UNC5D: variants seen among roughly 807,000 people sequenced by gnomAD.
The protein encoded by UNC5D is unc-5 netrin receptor D.
In UNC5D, 39 loss-of-function variants were observed where a neutral mutation model predicts 105.4. That is an observed-to-expected ratio of 0.37 (90% CI 0.29 to 0.48). The LOEUF (loss-of-function observed/expected upper bound fraction) is 0.48, where lower values mean the gene tolerates loss of function less well. UNC5D is among the 20% of genes least tolerant of loss of function. UNC5D has a pLI of 0.98. For synonymous variants in UNC5D, 452 were observed against 450.4 expected (o/e 1.00, Z -0.04); for missense variants, 991 against 1,202.4 (o/e 0.82, Z 2.60).
chr8:35,772,097 C>A (rs1241368313), intron 15 of UNC5D, among the ~76,000 whole-genome samples: 2 of 151,976 alleles, frequency 1.3e-5, no homozygotes, highest in Non-Finnish European at 2.9e-5. Context: ...TTATAATATT[C>A]CAGGAACATA....
At chr8:35,487,593 A>ACACACACACACACACACACACACACCCCC (rs1415748793) in intron 1 of UNC5D, among the ~76,000 whole-genome samples, 26 of 150,584 alleles carry the variant, frequency 1.7e-4, no homozygotes, top group African/African-American at 6.4e-4. Context: ...ACACACACAC[A>ACACACACACACACACACACACACACCCCC]CCCCACAGAC....
At chr8:35,273,168 A>G (rs1375839130) in intron 1 of UNC5D, among the ~76,000 whole-genome samples, 1 of 152,198 alleles carries the variant, frequency 6.6e-6, no homozygotes, top group Non-Finnish European at 1.5e-5. Context: ...TCATTTGGCT[A>G]AATATGGAGT....
intron 1 of UNC5D, among the ~76,000 whole-genome samples, chr8:35,241,772 G>A (rs1450662861): frequency 1.3e-5 from 2 of 151,748 alleles, no homozygotes; most frequent in Non-Finnish European, 2.9e-5. Context: ...AATTAGTAAA[G>A]ATCAAATCAG....
intron 1 of UNC5D, among the ~76,000 whole-genome samples, chr8:35,307,299 T>A (rs1020999884): frequency 6.6e-6 from 1 of 152,138 alleles, no homozygotes; most frequent in Admixed American, 6.6e-5. Flanking sequence ...GTCAATAATG[T>A]CTTTGTAGTG....
chr8:35,638,190 GAACA>G (rs753323357), intron 4 of UNC5D, among the ~76,000 whole-genome samples: 6 of 151,974 alleles, frequency 3.9e-5, no homozygotes, highest in Non-Finnish European at 8.8e-5. Flanking sequence ...ATTTTTTTGA[GAACA>G]AACACTTGTC....
At chr8:35,650,273 G>A (rs1191345260) in intron 4 of UNC5D, among the ~76,000 whole-genome samples, 2 of 152,124 alleles carry the variant, frequency 1.3e-5, no homozygotes, top group East Asian at 1.9e-4. Context: ...TGTGAGCCTT[G>A]TTGATGTCGT....
chr8:35,699,233 C>A (rs2131411843), intron 7 of UNC5D, among the ~76,000 whole-genome samples: 1 of 152,222 alleles, frequency 6.6e-6, no homozygotes, highest in East Asian at 1.9e-4. Flanking sequence ...TGAGCATAGT[C>A]ATTAAGGATA....
intron 1 of UNC5D, among the ~76,000 whole-genome samples, chr8:35,455,493 G>A (rs2128994007): frequency 6.6e-6 from 1 of 151,788 alleles, no homozygotes; most frequent in Admixed American, 6.6e-5. Context: ...TGGCCAGGTT[G>A]GTCTTGAACT....
intron 3 of UNC5D, among the ~76,000 whole-genome samples, chr8:35,577,229 C>G (rs570901276): frequency 4.6e-5 from 7 of 152,256 alleles, no homozygotes; most frequent in Admixed American, 3.3e-4. Flanking sequence ...ATACTATTAT[C>G]TATTCTAGGG....
At chr8:35,768,577 C>T (rs1449010561) in intron 15 of UNC5D, among the ~76,000 whole-genome samples, 1 of 152,136 alleles carries the variant, frequency 6.6e-6, no homozygotes, top group Non-Finnish European at 1.5e-5. Flanking sequence ...CCAATGAGTT[C>T]GGGTTTAAAG....
chr8:35,446,450 G>T (rs1201180215), intron 1 of UNC5D, among the ~76,000 whole-genome samples: 1 of 151,576 alleles, frequency 6.6e-6, no homozygotes, highest in Non-Finnish European at 1.5e-5. Flanking sequence ...CATAGCATTT[G>T]TTTTATTGTG....
At chr8:35,514,849 C>G (rs1234126106) in intron 1 of UNC5D, among the ~76,000 whole-genome samples, 1 of 152,108 alleles carries the variant, frequency 6.6e-6, no homozygotes, top group Non-Finnish European at 1.5e-5. Flanking sequence ...AGAAAATTGC[C>G]AGAAGGAATG....
At chr8:35,541,610 G>GTAAT (rs1815280142) in intron 1 of UNC5D, among the ~76,000 whole-genome samples, 1 of 152,130 alleles carries the variant, frequency 6.6e-6, no homozygotes, top group Non-Finnish European at 1.5e-5. Flanking sequence ...GTGATGAGGG[G>GTAAT]TAATCTTCCC....
intron 1 of UNC5D, among the ~76,000 whole-genome samples, chr8:35,333,690 G>T (rs1464002504): frequency 6.6e-6 from 1 of 152,054 alleles, no homozygotes; most frequent in Non-Finnish European, 1.5e-5. Context: ...ATGTTGGCCA[G>T]GCTGGTCTCG....
In UNC5D at chr8:35,749,176, C is replaced by T. The variant is rs757411100; in HGVS notation, c.1935+481C>T. On this transcript the variant is annotated intron_variant, in intron 12 of 16. Transcript: ENST00000404895. ...GGGCTTAATATTTTTTTTTAGTTAA[C>T]GAATGCATTGAGAATTATTATCAGT... Among the ~76,000 whole-genome samples the T allele has an allele frequency of 5.9e-5, 9 of 151,900 alleles. No individual in the cohort carries two copies. The East Asian group carries it at 9.6e-4, about 16-fold the overall frequency.
intron 1 of UNC5D, among the ~76,000 whole-genome samples, chr8:35,450,983 G>A (rs1292618852): frequency 1.3e-5 from 2 of 151,886 alleles, no homozygotes; most frequent in African/African-American, 4.8e-5. Flanking sequence ...TTTTGATTTA[G>A]GATGAGTTTA....
intron 1 of UNC5D, among the ~76,000 whole-genome samples, chr8:35,276,071 G>GT (rs1010374360): frequency 3.9e-5 from 6 of 152,122 alleles, no homozygotes; most frequent in South Asian, 4.1e-4. Context: ...GATACAACGT[G>GT]TTTTTTTATT....
intron 1 of UNC5D, among the ~76,000 whole-genome samples, chr8:35,438,533 T>C (rs1434846902): frequency 6.6e-6 from 1 of 152,014 alleles, no homozygotes; most frequent in Non-Finnish European, 1.5e-5. Context: ...ATCTTGTATA[T>C]AGAAAACTAT....
chr8:35,577,950 C>T (rs898047305), intron 3 of UNC5D, among the ~76,000 whole-genome samples: 1 of 151,942 alleles, frequency 6.6e-6, no homozygotes, highest in Admixed American at 6.6e-5. Context: ...TGTGACCTGG[C>T]GCAGTAGCTC....
Sources: gnomAD v4.1 joint callset for allele counts (sites outside exome capture counted in the v4.1 genomes callset) on GRCh38, gnomAD v4.1.1 for gene constraint, MANE v1.5 for transcripts, NCBI Gene and HGNC (gene_info 2026-07-23, HGNC 2026-07-21) for gene names.